Variants in ANXA11 observed in about 807,000 individuals in gnomAD.
ANXA11 encodes the protein annexin A11, also known as 56 kDa autoantigen.
Under a neutral mutation model 64.7 loss-of-function variants are expected in ANXA11, and 57 were observed. That is an observed-to-expected ratio of 0.88 (90% confidence interval 0.71 to 1.10). The LOEUF is 1.10. Among genes scored for constraint, ANXA11 ranks in the 50% least tolerant of loss-of-function variants. ANXA11 has a pLI of 0.00. For synonymous variants in ANXA11, 260 were observed against 265.2 expected, an observed-to-expected ratio of 0.98 and a Z score of 0.19; for missense variants, 675 against 670.7, an observed-to-expected ratio of 1.01 and a Z score of -0.07.
Position 80,151,611 on chromosome 10 carries a change from G to T in ANXA11, c.*4242C>A, listed in dbSNP as rs1845158455. ...CCAAGGCCAACAGAAAATGGGCATG[G>T]CATGGCATTAAACCACCACTTTGAC... On this transcript the variant is annotated 3_prime_UTR_variant, in exon 16 of 16. Coordinates refer to ENST00000422982, the MANE Select transcript of ANXA11 (RefSeq NM_145868.2). The T allele has an allele frequency of 6.6e-6, 1 of 152,146 alleles. No homozygotes were observed. Among genetic ancestry groups the T allele is most frequent in the African/African-American group, 2.4e-5 (1 of 41,436 alleles). The allele number at this position is 152,146 out of a possible 1,614,324, so 9.4% of individuals were successfully genotyped here.
In ANXA11 at chr10:80,167,261, T is replaced by C. The variant is rs1286527897; in HGVS notation, c.614A>G (p.Asp205Gly). The change falls in exon 6 of 16, where the codon GAT becomes GGT. Residue 205 changes from aspartate (D) to glycine (G), a missense_variant. Transcript: ENST00000422982. ...TDAPGFDPLR[D>G]AEVLRKAMKG... ...CATGGCCTTCCGCAGGACCTCGGCA[T>C]CTCGCAGGGGGTCAAAGCCGGGAGC... The C allele has an allele frequency of 1.1e-5, 17 of 1,614,034 alleles. No individual in the cohort carries two copies. Among genetic ancestry groups the C allele is most frequent in the African/African-American group, 1.3e-5 (1 of 74,924 alleles).
At chr10:80,172,082 A>G (rs1200110316) in intron 3 of ANXA11, among the ~76,000 whole-genome samples, 1 of 152,180 alleles carries the variant, frequency 6.6e-6, no homozygotes, top group East Asian at 1.9e-4. Context: ...TCCCCTGGGG[A>G]GAGGGGCAGC....
At chr10:80,162,438 C>A (rs1052832509) in intron 11 of ANXA11, among the ~76,000 whole-genome samples, 11 of 152,268 alleles carry the variant, frequency 7.2e-5, no homozygotes, top group Non-Finnish European at 4.4e-5. Context: ...GCAGACCCTG[C>A]AGGAGCAGCA....
intron 1 of ANXA11, among the ~76,000 whole-genome samples, chr10:80,191,886 C>T (rs1400003541): frequency 3.3e-5 from 5 of 152,210 alleles, no homozygotes; most frequent in Non-Finnish European, 7.3e-5. Flanking sequence ...ACCGACCCCA[C>T]CTCACCCCAT....
At position 80,153,186 on chromosome 10, in the gene ANXA11, G is replaced by A. The variant is rs1312804751; in HGVS notation, c.*2667C>T. ...CCAAAGGCCTGCAGGAGCCAAATGG[G>A]TGACATGGGCTTAGTGTAATACAAG... is the stretch of plus-strand genomic sequence containing the variant. On this transcript the variant is annotated 3_prime_UTR_variant, in exon 16 of 16. Transcript: ENST00000422982. 1 of 152,160 alleles carries A rather than the reference G, an allele frequency of 6.6e-6. No individual in the cohort carries two copies. Among genetic ancestry groups the A allele is most frequent in the Non-Finnish European group, 1.5e-5 (1 of 68,058 alleles). The allele number at this position is 152,160 out of a possible 1,614,324, so 9.4% of individuals were successfully genotyped here. A position where few individuals can be genotyped will look rare whatever the true frequency, so the allele number is the denominator to read the frequency against.
chr10:80,190,423 G>T (rs1001022969), intron 1 of ANXA11, among the ~76,000 whole-genome samples: 13 of 151,674 alleles, frequency 8.6e-5, no homozygotes, highest in African/African-American at 3.1e-4. Flanking sequence ...TGTATTCATA[G>T]ATTATAACAT....
In ANXA11 at chr10:80,169,356, C is replaced by T. The variant is rs143915496; in HGVS notation, c.174G>A (p.Ala58=). 232 of 1,604,450 alleles carry T rather than the reference C, an allele frequency of 1.4e-4. No individual in the cohort carries two copies. The highest frequency in any genetic ancestry group is 1.8e-4 in the Non-Finnish European group (217 of 1,179,766). The change falls in exon 5 of 16, where the codon GCG becomes GCA. Residue 58 remains alanine, a splice_region_variant and synonymous_variant. Coordinates refer to ENST00000422982, the MANE Select transcript of ANXA11 (RefSeq NM_145868.2). Reference sequence around the variant, plus strand: ...CTCCAAATGTCCCAGACATGTTGGCCGCCTGCAAGGACACAAAGCAGAGCC... The same window carrying T: ...CTCCAAATGTCCCAGACATGTTGGCTGCCTGCAAGGACACAAAGCAGAGCC... The part of the protein sequence containing the change: ...QFNQDYLSGM[A]ANMSGTFGGA...
chr10:80,195,567 A>T (rs1024887212), intron 1 of ANXA11, among the ~76,000 whole-genome samples: 3 of 152,204 alleles, frequency 2.0e-5, no homozygotes, highest in African/African-American at 7.2e-5. Context: ...CCTTTTCAGG[A>T]CACCTCTGCT....
chr10:80,198,025 G>A (rs971443992), intron 1 of ANXA11, among the ~76,000 whole-genome samples: 13 of 152,196 alleles, frequency 8.5e-5, no homozygotes, highest in African/African-American at 2.4e-4. Context: ...TGGAGTATGC[G>A]GATGCCAGAC....
At chr10:80,200,696 A>G (rs183060936) in intron 1 of ANXA11, among the ~76,000 whole-genome samples, 11 of 152,346 alleles carry the variant, frequency 7.2e-5, no homozygotes, top group African/African-American at 2.2e-4. Context: ...TTTCACGCCC[A>G]TGAAACATGT....
chr10:80,161,914 A>G, intron 12 of ANXA11, 21 bp downstream of exon 12: 1 of 1,604,058 alleles, frequency 6.2e-7, no homozygotes, highest in Non-Finnish European at 8.5e-7. Flanking sequence ...CTGGCCTCTG[A>G]GGGACCCCAG....
chr10:80,178,741 T>C (rs1376237487), intron 1 of ANXA11, among the ~76,000 whole-genome samples: 1 of 152,238 alleles, frequency 6.6e-6, no homozygotes, highest in Non-Finnish European at 1.5e-5. Flanking sequence ...TCCCAGGTGA[T>C]GCTGATGCTG....
intron 8 of ANXA11, among the ~76,000 whole-genome samples, chr10:80,164,819 G>A (rs1845661045): frequency 6.6e-6 from 1 of 152,238 alleles, no homozygotes; most frequent in Non-Finnish European, 1.5e-5. Context: ...GGAAAGTCAT[G>A]AGGATTAAGT....
At chr10:80,159,692 T>A (rs1056065998) in intron 12 of ANXA11, among the ~76,000 whole-genome samples, 2 of 152,134 alleles carry the variant, frequency 1.3e-5, no homozygotes, top group African/African-American at 4.8e-5. Flanking sequence ...CTCAAGGAAG[T>A]CAGAGTCTTC....
At chr10:80,183,124 C>A (rs1226993957) in intron 1 of ANXA11, among the ~76,000 whole-genome samples, 1 of 152,210 alleles carries the variant, frequency 6.6e-6, no homozygotes, top group East Asian at 1.9e-4. Context: ...CACACAGTGC[C>A]CTGTGAGTGG....
intron 1 of ANXA11, among the ~76,000 whole-genome samples, chr10:80,198,750 T>A (rs377103979): frequency 4.1e-4 from 61 of 147,666 alleles, no homozygotes; most frequent in Non-Finnish European, 8.0e-4. Flanking sequence ...AGAGAGTGAG[T>A]GAGAGAGAGA....
At chr10:80,192,242 G>A (rs544874822) in intron 1 of ANXA11, among the ~76,000 whole-genome samples, 6 of 152,154 alleles carry the variant, frequency 3.9e-5, no homozygotes, top group Non-Finnish European at 8.8e-5. Context: ...GAAACACACC[G>A]AAGGGGGAAG....
intron 1 of ANXA11, among the ~76,000 whole-genome samples, chr10:80,189,702 G>A (rs1589447083): frequency 6.6e-6 from 1 of 152,176 alleles, no homozygotes; most frequent in East Asian, 1.9e-4. Context: ...CTTCCTTTGA[G>A]CGTCATGTTG....
chr10:80,183,818 T>C (rs1846441313), intron 1 of ANXA11, among the ~76,000 whole-genome samples: 1 of 152,108 alleles, frequency 6.6e-6, no homozygotes, highest in Non-Finnish European at 1.5e-5. Context: ...CCAGAAACCC[T>C]CAGTGCATCA....
Sources: gnomAD v4.1 joint callset for allele counts (sites outside exome capture counted in the v4.1 genomes callset) on GRCh38, gnomAD v4.1.1 for gene constraint, MANE v1.5 for transcripts, NCBI Gene and HGNC (gene_info 2026-07-23, HGNC 2026-07-21) for gene names.